The following TRPC4AP variants were observed in gnomAD, a reference collection of about 807,000 sequenced individuals.
TRPC4AP encodes short transient receptor potential channel 4-associated protein.
Under a neutral mutation model 99.0 loss-of-function variants are expected in TRPC4AP, and 45 were observed. That is an observed-to-expected ratio of 0.45 (90% CI 0.36 to 0.58). TRPC4AP has a LOEUF of 0.58. TRPC4AP is among the 20% of genes least tolerant of loss of function. The probability of loss-of-function intolerance (pLI) is 0.00; values close to 1 mark genes in which losing one functional copy is unlikely to be tolerated. For missense variants in TRPC4AP, 879 were observed against 985.3 expected (o/e 0.89, Z 1.44); for synonymous variants, 408 against 385.8 (o/e 1.06, Z -0.67).
rs752317723 is a variant in TRPC4AP, at chr20:35,092,801, A to C, written c.-20T>G. 1 of 1,507,882 alleles carries C rather than the reference A, an allele frequency of 6.6e-7. No homozygotes were observed. The highest frequency in any genetic ancestry group is 1.2e-5 in the South Asian group (1 of 80,948). The allele number at this position is 1,507,882 out of a possible 1,614,324, so 93.4% of individuals were successfully genotyped here. On this transcript the variant is annotated 5_prime_UTR_variant, in exon 1 of 19. Transcript: ENST00000252015. Reference sequence around the variant, plus strand: ...CGCCATGTCTCCTCGTCGGACAAACAGGAAGCAAGCGGCCTCGGGGCCGCG... The same window carrying C: ...CGCCATGTCTCCTCGTCGGACAAACCGGAAGCAAGCGGCCTCGGGGCCGCG...
Position 35,035,122 on chromosome 20 carries a change from C to T in TRPC4AP, c.1051+1G>A, listed in dbSNP as rs1488970514. The T allele has an allele frequency of 6.2e-7, 1 of 1,613,034 alleles. No homozygotes were observed. Among genetic ancestry groups the T allele is most frequent in the Non-Finnish European group, 8.5e-7 (1 of 1,179,438 alleles). On this transcript the variant is annotated splice_donor_variant, in intron 8 of 18. Coordinates refer to ENST00000252015, the MANE Select transcript of TRPC4AP (RefSeq NM_015638.3). LOFTEE classifies it high-confidence loss of function. ...CACTCAGGGGACCCATCCTTCCATACCTTGATTGTGCTCTGACTCCTCATT... is the reference window on the plus strand; with the variant it reads ...CACTCAGGGGACCCATCCTTCCATATCTTGATTGTGCTCTGACTCCTCATT...
At chr20:35,092,332 C>T (rs774179247) in intron 1 of TRPC4AP, among the ~76,000 whole-genome samples, 13 of 152,092 alleles carry the variant, frequency 8.5e-5, no homozygotes, top group Non-Finnish European at 1.6e-4. Context: ...GTAGACGTGG[C>T]GCAAAGAAGG....
intron 9 of TRPC4AP, among the ~76,000 whole-genome samples, chr20:35,019,706 A>T (rs978110405): frequency 5.3e-5 from 8 of 152,206 alleles, no homozygotes; most frequent in African/African-American, 1.9e-4. Context: ...CAATGCATAA[A>T]AGCTGTCCCT....
At chr20:35,033,829 C>CA (rs72010225) in intron 8 of TRPC4AP, among the ~76,000 whole-genome samples, 60,699 of 96,964 alleles carry the variant, frequency 0.63, 20,380 homozygotes, top group Middle Eastern at 0.76. Flanking sequence ...CGTCTCTATT[C>CA]AAAAAAGAGA....
chr20:35,044,697 C>T lies in TRPC4AP; in HGVS notation c.673G>A (p.Asp225Asn), dbSNP rs541626179. The T allele has an allele frequency of 6.2e-7, 1 of 1,614,160 alleles. No individual in the cohort carries two copies. Among genetic ancestry groups the T allele is most frequent in the Non-Finnish European group, 8.5e-7 (1 of 1,179,996 alleles). ...AAGGAACTCAGATTGGGGACTTCAT[C>T]TAGTCGGATCATTTCCTACAGAAGA... The part of the protein sequence containing the change: ...LGVKKEMIRL[D>N]EVPNLSSLVS... The change falls in exon 7 of 19, where the codon GAT (aspartate) becomes AAT (asparagine). Residue 225 changes from aspartate (D) to asparagine (N), a missense_variant. Asp to Asn is a conservative substitution (Grantham distance 23). Coordinates refer to ENST00000252015, the MANE Select transcript of TRPC4AP (RefSeq NM_015638.3).
intron 3 of TRPC4AP, among the ~76,000 whole-genome samples, 184 bp from the exon 4 acceptor site, chr20:35,057,755 C>T (rs1021989429): frequency 6.6e-6 from 1 of 152,128 alleles, no homozygotes; most frequent in Non-Finnish European, 1.5e-5. Context: ...AGGTTCTAGT[C>T]CCAGCTTGGC....
chr20:35,029,801 A>G (rs570898185), intron 8 of TRPC4AP, among the ~76,000 whole-genome samples: 1 of 148,884 alleles, frequency 6.7e-6, no homozygotes, highest in South Asian at 2.1e-4. Flanking sequence ...ACGCCCAGCT[A>G]ATTTTTTTGT....
intron 8 of TRPC4AP, among the ~76,000 whole-genome samples, chr20:35,034,546 C>T (rs1600557821): frequency 6.6e-6 from 1 of 151,762 alleles, no homozygotes; most frequent in Non-Finnish European, 1.5e-5. Flanking sequence ...AAGCTGATGG[C>T]CCCCCACTCC....
At chr20:35,026,881 C>G (rs1214108863) in intron 8 of TRPC4AP, among the ~76,000 whole-genome samples, 49 of 152,096 alleles carry the variant, frequency 3.2e-4, no homozygotes, top group Admixed American at 3.1e-3. Context: ...AAATACTACT[C>G]ATTTTTTAAT....
At chr20:35,071,067 T>A (rs1330331829) in intron 2 of TRPC4AP, among the ~76,000 whole-genome samples, 1 of 152,038 alleles carries the variant, frequency 6.6e-6, no homozygotes, top group African/African-American at 2.4e-5. Flanking sequence ...TTTAAACAAG[T>A]TTAAGAAGCT....
intron 8 of TRPC4AP, among the ~76,000 whole-genome samples, chr20:35,033,669 G>A (rs1218219282): frequency 6.6e-6 from 1 of 151,990 alleles, no homozygotes; most frequent in Non-Finnish European, 1.5e-5. Flanking sequence ...GAACTAGCTG[G>A]CCTGTAGATC....
chr20:35,092,589 C>T (rs1244643073), intron 1 of TRPC4AP, 25 bp downstream of exon 1: 6 of 1,464,158 alleles, frequency 4.1e-6, no homozygotes, highest in African/African-American at 1.5e-5. Context: ...CGCCCCGCCC[C>T]GCCCCTCCTG....
intron 1 of TRPC4AP, among the ~76,000 whole-genome samples, chr20:35,091,668 T>G (rs1302727201): frequency 1.3e-5 from 2 of 152,144 alleles, no homozygotes; most frequent in Admixed American, 1.3e-4. Context: ...TAGGTCCTAT[T>G]CAACCTGGTT....
chr20:35,008,227 T>C (rs1318000808), intron 13 of TRPC4AP, among the ~76,000 whole-genome samples: 1 of 152,204 alleles, frequency 6.6e-6, no homozygotes, highest in Non-Finnish European at 1.5e-5. Flanking sequence ...TCAAGACTCA[T>C]CTTAGATGTA....
At chr20:35,070,428 T>G (rs1403167049) in intron 2 of TRPC4AP, among the ~76,000 whole-genome samples, 2 of 152,004 alleles carry the variant, frequency 1.3e-5, no homozygotes, top group Non-Finnish European at 2.9e-5. Context: ...TTTTTTTTTT[T>G]GAGAGGGAGT....
chr20:35,049,001 G>A (rs2083629003), intron 6 of TRPC4AP, among the ~76,000 whole-genome samples: 1 of 152,186 alleles, frequency 6.6e-6, no homozygotes, highest in Non-Finnish European at 1.5e-5. Context: ...GTTCACCACA[G>A]TGCACATGAA....
chr20:35,076,786 A>G (rs996508498), intron 2 of TRPC4AP, among the ~76,000 whole-genome samples: 1 of 152,190 alleles, frequency 6.6e-6, no homozygotes, highest in Non-Finnish European at 1.5e-5. Flanking sequence ...TACTCTCTTC[A>G]AAGCTGTCAG....
At chr20:35,012,032 T>A (rs2082649315) in intron 11 of TRPC4AP, among the ~76,000 whole-genome samples, 1 of 152,210 alleles carries the variant, frequency 6.6e-6, no homozygotes, top group South Asian at 2.1e-4. Context: ...CATCCTGATA[T>A]CCCACAGAGT....
chr20:35,006,738 A>C (rs1427262776), intron 14 of TRPC4AP, among the ~76,000 whole-genome samples, 163 bp from the exon 15 acceptor site: 2 of 152,220 alleles, frequency 1.3e-5, no homozygotes, highest in Non-Finnish European at 2.9e-5. Flanking sequence ...CAAGGACAGG[A>C]CCAGGCCTGA....
Sources: allele counts gnomAD v4.1 joint callset (sites outside exome capture counted in the v4.1 genomes callset), GRCh38; gene constraint gnomAD v4.1.1; transcripts MANE v1.5; gene names NCBI Gene and HGNC (gene_info 2026-07-23, HGNC 2026-07-21).